Variants in RSF1 observed in about 807,000 individuals in gnomAD.
RSF1 encodes HBV pX-associated protein 8.
A neutral mutation model predicts 145.2 loss-of-function variants in RSF1; 13 were observed. The ratio of observed to expected loss-of-function variants is 0.09; its 90% CI spans 0.06 to 0.14. RSF1 has a LOEUF of 0.14. RSF1 is among the 10% of genes least tolerant of loss of function. The probability of loss-of-function intolerance (pLI) is 1.00; values close to 1 mark genes in which losing one functional copy is unlikely to be tolerated. For missense variants in RSF1, 1,517 were observed against 1,718.2 expected, an observed-to-expected ratio of 0.88 and a Z score of 2.07; for synonymous variants, 577 against 592.6, an observed-to-expected ratio of 0.97 and a Z score of 0.38.
At chr11:77,746,461 T>C (rs953659671) in intron 3 of RSF1, among the ~76,000 whole-genome samples, 6 of 152,326 alleles carry the variant, frequency 3.9e-5, no homozygotes, top group African/African-American at 1.2e-4. Flanking sequence ...CAAAACATTA[T>C]AAATTTTAGA....
chr11:77,832,360 C>T, the RSF1 span, among the ~76,000 whole-genome samples: 1 of 150,226 alleles, frequency 6.7e-6, no homozygotes, highest in Non-Finnish European at 1.5e-5. Context: ...GCGTTTCGCT[C>T]TTGTTGCCCA....
chr11:77,754,676 GGTGGCTGCA>G (rs1948098448), intron 2 of RSF1, among the ~76,000 whole-genome samples: 2 of 151,964 alleles, frequency 1.3e-5, no homozygotes, highest in African/African-American at 4.8e-5. Flanking sequence ...CCAGGGAGAT[GGTGGCTGCA>G]GTGAGCTGAG....
chr11:77,679,184 T>A (rs1185472728), intron 11 of RSF1, among the ~76,000 whole-genome samples: 1 of 152,254 alleles, frequency 6.6e-6, no homozygotes, highest in East Asian at 1.9e-4. Context: ...AATTTCCATA[T>A]AATTTTCACA....
intron 1 of RSF1, among the ~76,000 whole-genome samples, chr11:77,815,815 T>G (rs943637852): frequency 5.1e-4 from 77 of 152,344 alleles, no homozygotes; most frequent in African/African-American, 1.8e-3. Flanking sequence ...ATATATATAT[T>G]AAGTGAATAA....
chr11:77,822,786 A>G (rs958546093), upstream of RSF1, among the ~76,000 whole-genome samples: 1 of 152,226 alleles, frequency 6.6e-6, no homozygotes, highest in Non-Finnish European at 1.5e-5. Context: ...ATTTCACTGT[A>G]AGAAATACTG....
At chr11:77,713,385 G>A (rs1052911760) in intron 5 of RSF1, among the ~76,000 whole-genome samples, 1 of 151,460 alleles carries the variant, frequency 6.6e-6, no homozygotes, top group Non-Finnish European at 1.5e-5. Flanking sequence ...TTTTCTTCTG[G>A]AATAAAGCAC....
In RSF1 at chr11:77,675,161, CGGCTACAAAAGTCAG is replaced by C; in HGVS notation, c.3422_3436del (p.Thr1141_Arg1146delinsSer). On this transcript the variant is annotated inframe_deletion, in exon 14 of 16. Transcript: ENST00000308488. ...CCGAGAGGGGTGTCGCCTCAGTCTA[CGGCTACAAAAGTCAG>C]TGTCACTGTCATCATTAGATGGCGG... The C allele has an allele frequency of 1.2e-6, 2 of 1,614,098 alleles. No individual in the cohort carries two copies. Among genetic ancestry groups the C allele is most frequent in the Non-Finnish European group, 1.7e-6 (2 of 1,179,996 alleles).
At position 77,666,077 on chromosome 11, in the gene RSF1, TAAGA is replaced by T. The variant is rs997188287; in HGVS notation, c.*836_*839del. On this transcript the variant is annotated 3_prime_UTR_variant, in exon 16 of 16. Coordinates refer to ENST00000308488, the MANE Select transcript of RSF1 (RefSeq NM_016578.4). ...CAAAGTTTACAGTCCACCCAGGCCT[TAAGA>T]AAGACCACATTCATTTCACTAATAA... The T allele has an allele frequency of 3.9e-5, 6 of 152,308 alleles. No individual in the cohort carries two copies. The highest frequency in any genetic ancestry group is 1.9e-4 in the East Asian group (1 of 5,186). The allele number at this position is 152,308 out of a possible 1,614,324, so 9.4% of individuals were successfully genotyped here. A position where few individuals can be genotyped will look rare whatever the true frequency, so the allele number is the denominator to read the frequency against.
At chr11:77,766,910 G>A (rs1948232054) in intron 1 of RSF1, among the ~76,000 whole-genome samples, 1 of 152,184 alleles carries the variant, frequency 6.6e-6, no homozygotes, top group African/African-American at 2.4e-5. Context: ...CCAGAAGATA[G>A]AAGTAGCCTA....
At chr11:77,858,889 C>T in the RSF1 span, among the ~76,000 whole-genome samples, 1 of 152,196 alleles carries the variant, frequency 6.6e-6, no homozygotes, top group Non-Finnish European at 1.5e-5. Context: ...AAGAGATAAA[C>T]TTAACAAGGA....
chr11:77,869,306 C>CTCTTTT, the RSF1 span: 36 of 120,438 alleles, frequency 3.0e-4, no homozygotes, highest in Non-Finnish European at 3.9e-4. Flanking sequence ...TTATTTATCT[C>CTCTTTT]TTTTTCTTTT....
the RSF1 span, among the ~76,000 whole-genome samples, chr11:77,839,181 C>G: frequency 6.6e-6 from 1 of 152,084 alleles, no homozygotes; most frequent in Admixed American, 6.6e-5. Flanking sequence ...CTCAGTCACC[C>G]AGGCTGGAGT....
the RSF1 span, among the ~76,000 whole-genome samples, chr11:77,844,642 A>G: frequency 2.0e-5 from 3 of 152,164 alleles, no homozygotes; most frequent in East Asian, 5.8e-4. Flanking sequence ...GATTACAGGC[A>G]TGAGCCATCA....
At chr11:77,806,846 GAA>G (rs1948682869) in intron 1 of RSF1, among the ~76,000 whole-genome samples, 1 of 151,896 alleles carries the variant, frequency 6.6e-6, no homozygotes, top group African/African-American at 2.4e-5. Flanking sequence ...ATATCCAAAA[GAA>G]AAAAGTTATA....
intron 1 of RSF1, among the ~76,000 whole-genome samples, chr11:77,786,902 G>A (rs1182671405): frequency 6.6e-6 from 1 of 152,136 alleles, no homozygotes; most frequent in Admixed American, 6.5e-5. Context: ...ATGCAAAACA[G>A]AGATAAACCC....
rs535486632 is a variant in RSF1, at chr11:77,715,509, G to A, written c.733+10036C>T. ...GTCGCCCAGGCTGGAGTGCAGTAGC[G>A]CAATCTTGGCTCACTGCAACCTCCA... On this transcript the variant is annotated intron_variant, in intron 5 of 15. Coordinates refer to ENST00000308488, the MANE Select transcript of RSF1 (RefSeq NM_016578.4). Among the ~76,000 whole-genome samples, 195 of 152,188 alleles carry A rather than the reference G, an allele frequency of 1.3e-3. 2 individuals carry two copies. The highest frequency in any genetic ancestry group is 4.5e-3 in the African/African-American group (187 of 41,530).
chr11:77,703,800 A>G (rs1349607302), intron 5 of RSF1, among the ~76,000 whole-genome samples: 1 of 144,676 alleles, frequency 6.9e-6, no homozygotes, highest in African/African-American at 2.7e-5. Flanking sequence ...TCAAAAATTC[A>G]AAATATAAAA....
chr11:77,813,450 C>G, intron 1 of RSF1: 2 of 1,202,354 alleles, frequency 1.7e-6, no homozygotes, highest in Non-Finnish European at 2.4e-6. Flanking sequence ...AAGGATCCCA[C>G]GTCTTAGAAC....
chr11:77,820,631 G>A lies in RSF1; in HGVS notation c.84C>T (p.Ser28=). ...GCAGCGGCCCGTAGCGCTCCAAGAA[G>A]GAGCAGACTACGGCGAAGTTGGGGC... ...GSCPNFAVVC[S]FLERYGPLLD... Residue 28 remains serine (S), a synonymous_variant, in exon 1 of 16, where the codon TCC becomes TCT. Coordinates refer to ENST00000308488, the MANE Select transcript of RSF1 (RefSeq NM_016578.4). The A allele has an allele frequency of 3.2e-6, 5 of 1,567,168 alleles. No individual in the cohort carries two copies. The highest frequency in any genetic ancestry group is 1.9e-5 in the Admixed American group (1 of 52,358).
Sources: gnomAD v4.1 joint callset for allele counts (sites outside exome capture counted in the v4.1 genomes callset) on GRCh38, gnomAD v4.1.1 for gene constraint, MANE v1.5 for transcripts, NCBI Gene and HGNC (gene_info 2026-07-23, HGNC 2026-07-21) for gene names.